Variants in CDK14 observed in about 807,000 individuals in gnomAD.
CDK14 encodes the protein cyclin dependent kinase 14.
A neutral mutation model predicts 60.7 loss-of-function variants in CDK14; 34 were observed. The ratio of observed to expected loss-of-function variants is 0.56; its 90% confidence interval spans 0.43 to 0.75. The LOEUF (loss-of-function observed/expected upper bound fraction) is 0.75, where lower values mean the gene tolerates loss of function less well. Among genes scored for constraint, CDK14 ranks in the 30% least tolerant of loss-of-function variants. The pLI is 0.00. For synonymous variants in CDK14, 197 were observed against 203.7 expected, an observed-to-expected ratio of 0.97 and a Z score of 0.28; for missense variants, 482 against 564.1, an observed-to-expected ratio of 0.85 and a Z score of 1.47.
At chr7:90,679,696 A>G (rs150117261) in intron 2 of CDK14, among the ~76,000 whole-genome samples, 1 of 152,298 alleles carries the variant, frequency 6.6e-6, no homozygotes, top group African/African-American at 2.4e-5. Context: ...GCTCTTAGTG[A>G]CTCCAGTAGT....
chr7:91,114,165 TC>T (rs1380130792), intron 13 of CDK14, among the ~76,000 whole-genome samples: 1 of 152,230 alleles, frequency 6.6e-6, no homozygotes, highest in Non-Finnish European at 1.5e-5. Context: ...GTATCACTCC[TC>T]CTTGGTGACA....
chr7:91,151,714 G>A (rs1450346002), intron 14 of CDK14, among the ~76,000 whole-genome samples: 1 of 152,188 alleles, frequency 6.6e-6, no homozygotes, highest in Non-Finnish European at 1.5e-5. Context: ...AAGAAAAAAT[G>A]CTTCCCTTTT....
chr7:90,777,190 A>G (rs887092579), intron 4 of CDK14, among the ~76,000 whole-genome samples: 1 of 152,080 alleles, frequency 6.6e-6, no homozygotes, highest in Non-Finnish European at 1.5e-5. Context: ...CAGTTGGATG[A>G]TGTGCTGTTG....
At chr7:91,079,150 T>C (rs1280559547) in intron 11 of CDK14, among the ~76,000 whole-genome samples, 2 of 152,328 alleles carry the variant, frequency 1.3e-5, no homozygotes, top group South Asian at 2.1e-4. Context: ...ATTTCTTTTT[T>C]CAACTCAATT....
intron 5 of CDK14, among the ~76,000 whole-genome samples, chr7:90,835,266 CTG>C (rs1327130732): frequency 6.6e-6 from 1 of 151,998 alleles, no homozygotes; most frequent in Non-Finnish European, 1.5e-5. Context: ...GAAAGAGTAA[CTG>C]AGAAATGATT....
chr7:90,853,126 T>C (rs1790704819), intron 5 of CDK14, among the ~76,000 whole-genome samples: 4 of 152,194 alleles, frequency 2.6e-5, no homozygotes, highest in Admixed American at 2.6e-4. Context: ...GCACTGGTTC[T>C]AAGGTAATTT....
intron 4 of CDK14, among the ~76,000 whole-genome samples, chr7:90,749,227 G>A (rs1562751655): frequency 1.3e-5 from 2 of 151,776 alleles, no homozygotes; most frequent in Admixed American, 6.6e-5. Context: ...TGGAGCACCC[G>A]CTTGCCTCGT....
intron 12 of CDK14, among the ~76,000 whole-genome samples, chr7:91,081,374 T>C (rs1798479575): frequency 6.6e-6 from 1 of 152,232 alleles, no homozygotes; most frequent in Admixed American, 6.5e-5. Context: ...TGCTTGTCTA[T>C]AGCACAATTA....
At chr7:91,184,209 A>AAAAAAAAAAAAAAG (rs1802097994) in intron 14 of CDK14, among the ~76,000 whole-genome samples, 1 of 147,376 alleles carries the variant, frequency 6.8e-6, no homozygotes, top group Non-Finnish European at 1.5e-5. Context: ...CGTCTTAAAA[A>AAAAAAAAAAAAAAG]AAAAAAAAAA....
At chr7:91,139,777 T>C (rs939700646) in intron 14 of CDK14, among the ~76,000 whole-genome samples, 7 of 95,208 alleles carry the variant, frequency 7.4e-5, no homozygotes, top group Admixed American at 2.2e-4. Context: ...TCTTTTCTTT[T>C]TTTCTTTCCT....
intron 2 of CDK14, among the ~76,000 whole-genome samples, chr7:90,697,325 G>T (rs1801680749): frequency 6.6e-6 from 1 of 152,004 alleles, no homozygotes; most frequent in Non-Finnish European, 1.5e-5. Context: ...AATTGTCATT[G>T]AACGAGATAG....
At chr7:90,707,671 G>C (rs555974277) in intron 2 of CDK14, among the ~76,000 whole-genome samples, 1 of 152,254 alleles carries the variant, frequency 6.6e-6, no homozygotes, top group Admixed American at 6.5e-5. Flanking sequence ...GGTGACCACT[G>C]TGAGTATGGC....
Position 90,664,923 on chromosome 7 carries a change from A to G in CDK14, c.123+60674A>G, listed in dbSNP as rs528236502. 7.2e-5 allele frequency among the ~76,000 whole-genome samples: 11 copies of G among 152,310 alleles called. 1 individual carries two copies. In the South Asian group the frequency reaches 1.7e-3, roughly 23 times the overall value. On this transcript the variant is annotated intron_variant, in intron 2 of 14. Transcript: ENST00000380050. ...CCTGCAGATTGTGCACATGTACTGT[A>G]AAACTTAAAGTATAATAATAATAAA... is the stretch of plus-strand genomic sequence containing the variant.
chr7:90,617,532 G>A (rs1799679092), intron 2 of CDK14, among the ~76,000 whole-genome samples: 1 of 152,034 alleles, frequency 6.6e-6, no homozygotes, highest in South Asian at 2.1e-4. Flanking sequence ...TGTCATTTTT[G>A]AACTGAGTTA....
chr7:91,153,740 G>A (rs916135478), intron 14 of CDK14, among the ~76,000 whole-genome samples: 1 of 152,182 alleles, frequency 6.6e-6, no homozygotes, highest in Admixed American at 6.5e-5. Context: ...GAGGATGGAA[G>A]ATGGGATGAG....
At chr7:91,152,960 A>G (rs1800867591) in intron 14 of CDK14, among the ~76,000 whole-genome samples, 1 of 152,226 alleles carries the variant, frequency 6.6e-6, no homozygotes, top group African/African-American at 2.4e-5. Flanking sequence ...TTTATAGTAT[A>G]AATAAGTCAA....
chr7:91,019,874 A>G (rs888256940), intron 10 of CDK14, among the ~76,000 whole-genome samples: 3 of 152,172 alleles, frequency 2.0e-5, no homozygotes, highest in African/African-American at 7.2e-5. Flanking sequence ...AACTCTTCCT[A>G]TTCCATGACC....
intron 2 of CDK14, among the ~76,000 whole-genome samples, chr7:90,723,368 G>A (rs1802524858): frequency 1.3e-5 from 2 of 152,172 alleles, no homozygotes; most frequent in Non-Finnish European, 2.9e-5. Flanking sequence ...CAGTCAAGCA[G>A]GAAGCTGGAA....
intron 8 of CDK14, among the ~76,000 whole-genome samples, chr7:90,945,591 C>T (rs964493675): frequency 2.0e-5 from 3 of 152,144 alleles, no homozygotes; most frequent in Non-Finnish European, 4.4e-5. Flanking sequence ...TGGGAAGAAG[C>T]CAGGAGAACA....
Sources: allele counts gnomAD v4.1 joint callset (sites outside exome capture counted in the v4.1 genomes callset), GRCh38; gene constraint gnomAD v4.1.1; transcripts MANE v1.5; gene names NCBI Gene and HGNC (gene_info 2026-07-23, HGNC 2026-07-21).